Variants in SUSD1 observed in about 807,000 individuals in gnomAD.
The protein encoded by SUSD1 is sushi domain containing 1.
A neutral mutation model predicts 86.9 loss-of-function variants in SUSD1; 65 were observed. The ratio of observed to expected loss-of-function variants is 0.75; its 90% CI spans 0.61 to 0.92. The LOEUF is 0.92. SUSD1 is among the 40% of genes least tolerant of loss of function. SUSD1 has a pLI of 0.00. For missense variants in SUSD1, 850 were observed against 929.7 expected, an observed-to-expected ratio of 0.91 and a Z score of 1.11; for synonymous variants, 346 against 350.0, an observed-to-expected ratio of 0.99 and a Z score of 0.13.
rs1554770381 is a variant in SUSD1 at position 112,138,266 on chromosome 9, C to CACATATATATATATATATATATACACAT, written c.706+4053_706+4054insATGTGTATATATATATATATATATATGT. On this transcript the variant is annotated intron_variant, in intron 5 of 16. Transcript: ENST00000374270. ...ATATATATATATATATGTGTATATA[C>CACATATATATATATATATATATACACAT]ATATATATATATATGAAGTCCAGGA... Among the ~76,000 whole-genome samples the CACATATATATATATATATATATACACAT allele has an allele frequency of 2.7e-4, 17 of 62,864 alleles. 1 individual carries two copies. The highest frequency in any genetic ancestry group is 1.2e-3 in the African/African-American group (17 of 13,624). The allele number at this position is 62,864 out of a possible 152,430, so 41.2% of individuals were successfully genotyped here. A position where few individuals can be genotyped will look rare whatever the true frequency, so the allele number is the denominator to read the frequency against.
intron 2 of SUSD1, among the ~76,000 whole-genome samples, chr9:112,156,009 A>C (rs926175485): frequency 6.6e-6 from 1 of 151,680 alleles, no homozygotes; most frequent in Admixed American, 6.6e-5. Flanking sequence ...AGAAAGAAAG[A>C]GAGAGAAGGG....
At chr9:112,112,735 C>G in intron 7 of SUSD1, 36 bp downstream of exon 7, 2 of 1,428,708 alleles carry the variant, frequency 1.4e-6, no homozygotes. Flanking sequence ...GGTGACGTGT[C>G]TGTCCTAGCA....
At chr9:112,045,875 T>C (rs1331756992) in intron 15 of SUSD1, among the ~76,000 whole-genome samples, 1 of 152,226 alleles carries the variant, frequency 6.6e-6, no homozygotes, top group East Asian at 1.9e-4. Flanking sequence ...TGAACCTATG[T>C]AGGGTAGCAA....
At chr9:112,125,491 C>G (rs895759426) in intron 5 of SUSD1, among the ~76,000 whole-genome samples, 1 of 151,470 alleles carries the variant, frequency 6.6e-6, no homozygotes, top group Non-Finnish European at 1.5e-5. Flanking sequence ...TAAGATGGCT[C>G]TAATAATTTC....
chr9:112,165,812 GAGAAAAAGAAAGAA>G (rs975910582), intron 1 of SUSD1, among the ~76,000 whole-genome samples: 2 of 117,608 alleles, frequency 1.7e-5, no homozygotes, highest in African/African-American at 5.6e-5. Flanking sequence ...AAGAGAGAGA[GAGAAAAAGAAAGAA>G]AGAAAGAGAA....
At chr9:112,156,693 G>C (rs190800496) in intron 2 of SUSD1, among the ~76,000 whole-genome samples, 126 of 152,198 alleles carry the variant, frequency 8.3e-4, no homozygotes, top group African/African-American at 2.8e-3. Flanking sequence ...TTACAAGATC[G>C]AGGCTCAGTA....
Position 112,175,208 on chromosome 9 carries a change from G to A in SUSD1, c.28C>T (p.Pro10Ser). The A allele has an allele frequency of 6.9e-6, 8 of 1,161,854 alleles. No homozygotes were observed. The highest frequency in any genetic ancestry group is 8.5e-6 in the Non-Finnish European group (8 of 945,410). 72.0% of individuals were successfully genotyped at this position (1,161,854 alleles called of 1,614,324 possible). A position where few individuals can be genotyped will look rare whatever the true frequency, so the allele number is the denominator to read the frequency against. Residue 10 changes from proline (P) to serine (S), a missense_variant, in exon 1 of 17, where the codon CCG becomes TCG. Transcript: ENST00000374270. The surrounding 1 kb of genome is among the most constrained non-coding windows in gnomAD (Gnocchi z 4.7). ...AACAGCGGCAGCAGGCGGCGAGACG[G>A]GCCCGCATCCCAGGGCCCCCGGCCC... MGRGPWDAG[P>S]SRRLLPLLLL...
intron 4 of SUSD1, 59 bp downstream of exon 4, chr9:112,143,412 G>A: frequency 1.9e-6 from 3 of 1,580,338 alleles, no homozygotes; most frequent in Admixed American, 1.7e-5. Flanking sequence ...TGGAGCAGAA[G>A]AAAGTCACCA....
Position 112,095,674 on chromosome 9 carries a change from T to C in SUSD1, c.1474+2796A>G, listed in dbSNP as rs117680803. Among the ~76,000 whole-genome samples the C allele has an allele frequency of 9.8e-3, 1,487 of 152,272 alleles. 54 individuals carry two copies. The highest frequency in any genetic ancestry group is 0.071 in the Admixed American group (1,093 of 15,290). On this transcript the variant is annotated intron_variant, in intron 10 of 16. Coordinates refer to ENST00000374270, the MANE Select transcript of SUSD1 (RefSeq NM_022486.5). ...GTAGGACTCACAGGCAGACATTCAA[T>C]AATAGGAGCCTGTGGAGTCCAGAAC... is the stretch of plus-strand genomic sequence containing the variant.
chr9:112,106,276 A>AT (rs143269726), intron 8 of SUSD1, among the ~76,000 whole-genome samples: 3,862 of 150,454 alleles, frequency 0.026, 156 homozygotes, highest in African/African-American at 0.085. Context: ...CCTGGCCAGG[A>AT]TTTTTTTTTT....
intron 1 of SUSD1, among the ~76,000 whole-genome samples, chr9:112,173,124 C>T (rs779399515): frequency 1.3e-5 from 2 of 152,050 alleles, no homozygotes; most frequent in Non-Finnish European, 1.5e-5. Flanking sequence ...CTGAAATAGA[C>T]GCCAAGCATC....
intron 1 of SUSD1, among the ~76,000 whole-genome samples, chr9:112,167,467 GC>G (rs1833871426): frequency 6.6e-6 from 1 of 152,142 alleles, no homozygotes; most frequent in South Asian, 2.1e-4. Context: ...AAATATAAAT[GC>G]TGTATGAAGT....
chr9:112,087,671 A>G (rs1329465452), intron 10 of SUSD1, among the ~76,000 whole-genome samples: 1 of 152,234 alleles, frequency 6.6e-6, no homozygotes, highest in East Asian at 1.9e-4. Flanking sequence ...ACAACTGAAA[A>G]TAATAAAAAT....
chr9:112,137,903 T>G (rs1476669861), intron 5 of SUSD1: 1 of 151,906 alleles, frequency 6.6e-6, no homozygotes, highest in Non-Finnish European at 1.5e-5. Context: ...ATTAAAAAAA[T>G]TTCTTTCAAT....
intron 12 of SUSD1, among the ~76,000 whole-genome samples, chr9:112,070,297 A>G (rs1355526584): frequency 1.3e-5 from 2 of 152,048 alleles, no homozygotes; most frequent in Non-Finnish European, 2.9e-5. Context: ...ATGAGCCACC[A>G]CGCCCAGCCG....
chr9:112,070,815 G>A (rs757101066), intron 12 of SUSD1, among the ~76,000 whole-genome samples: 9 of 152,190 alleles, frequency 5.9e-5, no homozygotes, highest in Non-Finnish European at 1.0e-4. Context: ...AAGCTAGACA[G>A]TCTGGAAAGA....
At chr9:112,051,408 CTTTTTTTTTTTTT>C (rs746946192) in intron 15 of SUSD1, among the ~76,000 whole-genome samples, 1 of 77,050 alleles carries the variant, frequency 1.3e-5, no homozygotes, top group Non-Finnish European at 2.5e-5. Context: ...TTTTTCTTTT[CTTTTTTTTTTTTT>C]TTTTTTTTTT....
intron 5 of SUSD1, among the ~76,000 whole-genome samples, chr9:112,129,003 T>C (rs1360038499): frequency 6.6e-6 from 1 of 152,120 alleles, no homozygotes; most frequent in Non-Finnish European, 1.5e-5. Flanking sequence ...AAATCTGATT[T>C]AGGTTTTTAA....
intron 15 of SUSD1, among the ~76,000 whole-genome samples, chr9:112,045,695 TC>T (rs900708865): frequency 3.9e-5 from 6 of 152,208 alleles, no homozygotes; most frequent in Non-Finnish European, 7.3e-5. Flanking sequence ...CATCTACACT[TC>T]TGGTGGTTCT....
Sources: gnomAD v4.1 joint callset for allele counts (sites outside exome capture counted in the v4.1 genomes callset) on GRCh38, gnomAD v4.1.1 for gene constraint, Gnocchi (gnomAD v3.1) non-coding constraint, MANE v1.5 for transcripts, NCBI Gene and HGNC (gene_info 2026-07-23, HGNC 2026-07-21) for gene names.